Variants in MMP15 observed in about 807,000 individuals in gnomAD.
MMP15 encodes matrix metallopeptidase 15.
MMP15 carries 36 observed loss-of-function variants against 65.0 expected under a neutral mutation model. The observed-to-expected ratio is 0.55, with a 90% CI of 0.42 to 0.73. The LOEUF is 0.73. MMP15 is among the 30% of genes least tolerant of loss of function. The pLI is 0.00. For synonymous variants in MMP15, 428 were observed against 410.2 expected, an observed-to-expected ratio of 1.04 and a Z score of -0.52; for missense variants, 870 against 987.8, an observed-to-expected ratio of 0.88 and a Z score of 1.60.
At chr16:58,035,308 G>A (rs1044549025) in intron 1 of MMP15, among the ~76,000 whole-genome samples, 1 of 152,230 alleles carries the variant, frequency 6.6e-6, no homozygotes. Flanking sequence ...TGCGCCCTGG[G>A]CCAGAGGTGA....
intron 8 of MMP15, 28 bp downstream of exon 8, chr16:58,043,388 G>C (rs561477413): frequency 6.3e-7 from 1 of 1,597,392 alleles, no homozygotes; most frequent in South Asian, 1.1e-5. Context: ...CCCCTAAGGG[G>C]AGAAGGCCCC....
rs1318058241 is a variant in MMP15, at chr16:58,025,792, C to T, written c.-559C>T. On this transcript the variant is annotated 5_prime_UTR_variant, in exon 1 of 10. Coordinates refer to ENST00000219271, the MANE Select transcript of MMP15 (RefSeq NM_002428.4). ...AGCGCCCGGAGCCGCGCTGAACTCG[C>T]CGGGGACGTCGGGCGCCCGCTCCTT... The T allele has an allele frequency of 6.6e-6, 1 of 151,976 alleles. No individual in the cohort carries two copies. The highest frequency in any genetic ancestry group is 2.4e-5 in the African/African-American group (1 of 41,392). The allele number at this position is 151,976 out of a possible 1,614,324, so 9.4% of individuals were successfully genotyped here.
Position 58,045,177 on chromosome 16 carries a change from G to T in MMP15, c.1741G>T (p.Gly581Trp). Residue 581 changes from glycine (G) to tryptophan (W), a missense_variant, in exon 10 of 10, where the codon GGG (glycine) becomes TGG (tryptophan). Gly to Trp is a radical substitution (Grantham distance 184, BLOSUM62 -2). Transcript: ENST00000219271. Reference protein sequence around the residue: ...DVARPPFNPHGGAEPGADSAE... With the variant: ...DVARPPFNPHWGAEPGADSAE... The stretch of plus-strand genomic sequence containing the variant: ...GGCCCGGCCGCCCTTCAACCCCCAC[G>T]GGGGTGCAGAGCCCGGGGCGGACAG... 1.3e-6 allele frequency: 2 copies of T among 1,593,622 alleles called. No individual in the cohort carries two copies. Among genetic ancestry groups the T allele is most frequent in the Middle Eastern group, 1.7e-4 (1 of 5,966 alleles).
chr16:58,028,536 C>T (rs747429344), intron 1 of MMP15, among the ~76,000 whole-genome samples: 1 of 152,218 alleles, frequency 6.6e-6, no homozygotes, highest in Non-Finnish European at 1.5e-5. Context: ...GCAGCCAGCC[C>T]ATCTGCCGGG....
intron 1 of MMP15, among the ~76,000 whole-genome samples, chr16:58,035,756 C>T (rs570821192): frequency 1.3e-5 from 2 of 152,306 alleles, no homozygotes; most frequent in South Asian, 2.1e-4. Context: ...TGCTCTGGGG[C>T]TGTTTCCCGG....
intron 1 of MMP15, among the ~76,000 whole-genome samples, chr16:58,030,286 C>G (rs1963875960): frequency 6.6e-6 from 1 of 152,178 alleles, no homozygotes; most frequent in Non-Finnish European, 1.5e-5. Context: ...GCTGAATGCT[C>G]CAGACCTGAG....
At chr16:58,040,330 T>A in intron 4 of MMP15, 148 bp downstream of exon 4, 1 of 1,048,316 alleles carries the variant, frequency 9.5e-7, no homozygotes, top group Non-Finnish European at 1.3e-6. Flanking sequence ...AATTTCAGTC[T>A]GTTGTCCCAC....
In MMP15 at chr16:58,045,443, C is replaced by T. The variant is rs1351801326; in HGVS notation, c.2007C>T (p.Val669=). 4.6e-6 allele frequency: 7 copies of T among 1,524,530 alleles called. No individual in the cohort carries two copies. Among genetic ancestry groups the T allele is most frequent in the Non-Finnish European group, 6.2e-6 (7 of 1,135,138 alleles). The allele number at this position is 1,524,530 out of a possible 1,614,324, so 94.4% of individuals were successfully genotyped here. A position where few individuals can be genotyped will look rare whatever the true frequency, so the allele number is the denominator to read the frequency against. ...LYCKRSLQEW[V] is the part of the protein sequence containing the mutation. ...GCAAGCGCTCGCTGCAGGAGTGGGTCTGACCACCCAGCGCTCCTGCTAACG... is the reference window on the plus strand; with the variant it reads ...GCAAGCGCTCGCTGCAGGAGTGGGTTTGACCACCCAGCGCTCCTGCTAACG... Residue 669 remains valine, a synonymous_variant, in exon 10 of 10, where the codon GTC becomes GTT. Transcript: ENST00000219271.
At chr16:58,026,751 C>CT (rs1253607303) in intron 1 of MMP15, among the ~76,000 whole-genome samples, 13 of 152,372 alleles carry the variant, frequency 8.5e-5, no homozygotes, top group Middle Eastern at 3.4e-3. Context: ...TCCTACAGCC[C>CT]TGTTCTGGGC....
intron 8 of MMP15, 75 bp downstream of exon 8, chr16:58,043,435 G>A: frequency 6.3e-7 from 1 of 1,595,546 alleles, no homozygotes. Context: ...TACCCAGAAA[G>A]AATCCACTGC....
intron 1 of MMP15, among the ~76,000 whole-genome samples, chr16:58,028,672 G>A (rs927647769): frequency 3.3e-5 from 5 of 152,320 alleles, no homozygotes; most frequent in Middle Eastern, 3.4e-3. Flanking sequence ...TAGGGTCACA[G>A]CTGGGACCTT....
At position 58,045,600 on chromosome 16, in the gene MMP15, T is replaced by A. The variant is rs1261888085; in HGVS notation, c.*154T>A. The A allele has an allele frequency of 7.6e-6, 5 of 654,642 alleles. No homozygotes were observed. The highest frequency in any genetic ancestry group is 1.3e-5 in the Non-Finnish European group (5 of 397,230). 40.6% of individuals were successfully genotyped at this position (654,642 alleles called of 1,614,324 possible). On this transcript the variant is annotated 3_prime_UTR_variant, in exon 10 of 10. Transcript: ENST00000219271. Reference sequence around the variant, plus strand: ...TATTTATGTCCAGGTGTTTGTTTTGTTTTGTTTTTGGCACCTTACTTGACC... The same window carrying A: ...TATTTATGTCCAGGTGTTTGTTTTGATTTGTTTTTGGCACCTTACTTGACC...
At chr16:58,041,939 C>T in intron 6 of MMP15, 69 bp downstream of exon 6, 1 of 1,497,190 alleles carries the variant, frequency 6.7e-7, no homozygotes, top group Admixed American at 2.3e-5. Flanking sequence ...CTGTCCCACC[C>T]TCACTCAGCA....
intron 6 of MMP15, 125 bp from the exon 7 acceptor site, chr16:58,042,106 G>A: frequency 7.8e-7 from 1 of 1,283,602 alleles, no homozygotes; most frequent in Non-Finnish European, 1.1e-6. Context: ...GCCACTGCCT[G>A]CCTCAGTATC....
chr16:58,043,594 T>A lies in MMP15; in HGVS notation c.1537T>A (p.Ser513Thr), dbSNP rs1959498558. Residue 513 changes from serine (S) to threonine (T), a missense_variant, in exon 9 of 10, where the codon TCC (serine) becomes ACC (threonine). Coordinates refer to ENST00000219271, the MANE Select transcript of MMP15 (RefSeq NM_002428.4). The part of the protein sequence containing the change: ...PISVWQGIPA[S>T]PKGAFLSNDA... ...CAGTGTCTGGCAGGGGATCCCTGCC[T>A]CCCCTAAAGGGGCCTTCCTGAGCAA... 6.2e-7 allele frequency: 1 copy of A among 1,613,148 alleles called. No homozygotes were observed. Among genetic ancestry groups the A allele is most frequent in the East Asian group, 2.2e-5 (1 of 44,866 alleles).
Position 58,032,957 on chromosome 16 carries a change from C to T in MMP15, c.163-4515C>T, listed in dbSNP as rs756499274. Among the ~76,000 whole-genome samples the T allele has an allele frequency of 2.0e-5, 3 of 152,156 alleles. No homozygotes were observed. In the East Asian group the frequency reaches 5.8e-4, roughly 29 times the overall value. On this transcript the variant is annotated intron_variant, in intron 1 of 9. Coordinates refer to ENST00000219271, the MANE Select transcript of MMP15 (RefSeq NM_002428.4). ...ATCGCCTGGGGTCTGATAAGGGCCCCGGGGAGGGGGCTGCCGGCCAGCTCC... is the reference window on the plus strand; with the variant it reads ...ATCGCCTGGGGTCTGATAAGGGCCCTGGGGAGGGGGCTGCCGGCCAGCTCC...
chr16:58,040,392 G>A, intron 4 of MMP15, 145 bp from the exon 5 acceptor site: 2 of 1,122,274 alleles, frequency 1.8e-6, no homozygotes, highest in African/African-American at 1.6e-5. Context: ...CTCAGATGGG[G>A]TTGTTGTAGG....
In MMP15 at chr16:58,026,311, C is replaced by G. The variant is rs1168631327; in HGVS notation, c.-40C>G. The G allele has an allele frequency of 4.0e-6, 5 of 1,252,132 alleles. No individual in the cohort carries two copies. Among genetic ancestry groups the G allele is most frequent in the Non-Finnish European group, 4.0e-6 (4 of 998,292 alleles). The allele number at this position is 1,252,132 out of a possible 1,614,324, so 77.6% of individuals were successfully genotyped here. A position where few individuals can be genotyped will look rare whatever the true frequency, so the allele number is the denominator to read the frequency against. On this transcript the variant is annotated 5_prime_UTR_variant, in exon 1 of 10. It adds an upstream start codon to the 5' untranslated region. Transcript: ENST00000219271. Reference sequence around the variant, plus strand: ...AAGTTTCCAAGGCGCGTGCGAGGATCCGGCGTGCAGTGTTCCGAGCTGGGC... The same window carrying G: ...AAGTTTCCAAGGCGCGTGCGAGGATGCGGCGTGCAGTGTTCCGAGCTGGGC...
intron 5 of MMP15, chr16:58,040,945 G>T: frequency 3.4e-6 from 2 of 595,754 alleles, no homozygotes; most frequent in Non-Finnish European, 6.1e-6. Flanking sequence ...AGGGACACAG[G>T]TTCTTCATGA....
Sources: gnomAD v4.1 joint callset for allele counts (sites outside exome capture counted in the v4.1 genomes callset) on GRCh38, gnomAD v4.1.1 for gene constraint, MANE v1.5 for transcripts, NCBI Gene and HGNC (gene_info 2026-07-23, HGNC 2026-07-21) for gene names.